FCHO2: variants seen among roughly 807,000 people sequenced by gnomAD.
The protein encoded by FCHO2 is F-BAR domain only protein 2.
Under a neutral mutation model 114.1 loss-of-function variants are expected in FCHO2, and 43 were observed. The ratio of observed to expected loss-of-function variants is 0.38; its 90% CI spans 0.30 to 0.49. The LOEUF (loss-of-function observed/expected upper bound fraction) is 0.49. Ranked by LOEUF, FCHO2 falls within the 20% of genes least tolerant of loss-of-function variation. The probability of loss-of-function intolerance (pLI) is 0.97; values close to 1 mark genes in which losing one functional copy is unlikely to be tolerated. For synonymous variants in FCHO2, 293 were observed against 315.2 expected (o/e 0.93, Z 0.75); for missense variants, 807 against 950.4 (o/e 0.85, Z 1.98).
intron 13 of FCHO2, among the ~76,000 whole-genome samples, chr5:73,053,952 T>C (rs1757461967): frequency 6.6e-6 from 1 of 152,164 alleles, no homozygotes. Flanking sequence ...ATCAGAACAA[T>C]TTTATAGTTA....
chr5:73,035,984 A>G (rs993323253), intron 9 of FCHO2, among the ~76,000 whole-genome samples: 2 of 151,760 alleles, frequency 1.3e-5, no homozygotes, highest in Non-Finnish European at 2.9e-5. Context: ...CCGGGATTAC[A>G]GGTGTGCGCC....
At chr5:73,051,439 T>C in intron 12 of FCHO2, 33 bp downstream of exon 12, 1 of 1,380,114 alleles carries the variant, frequency 7.2e-7, no homozygotes, top group South Asian at 1.3e-5. Context: ...TCTTAAGGAT[T>C]ATGTTGGCAT....
chr5:72,956,041 G>C lies in FCHO2; in HGVS notation c.-56G>C, dbSNP rs986554872. On this transcript the variant is annotated 5_prime_UTR_variant, in exon 1 of 26. Transcript: ENST00000430046. Reference sequence around the variant, plus strand: ...GCGGGGGTGCTGTGGGGGCCGGGCCGTGTTTACACAGCGGCGGGCGGGCGC... The same window carrying C: ...GCGGGGGTGCTGTGGGGGCCGGGCCCTGTTTACACAGCGGCGGGCGGGCGC... 1 of 1,534,312 alleles carries C rather than the reference G, an allele frequency of 6.5e-7. No homozygotes were observed. Among genetic ancestry groups the C allele is most frequent in the Non-Finnish European group, 8.8e-7 (1 of 1,139,502 alleles).
intron 10 of FCHO2, among the ~76,000 whole-genome samples, chr5:73,039,372 G>A (rs1442467968): frequency 6.6e-6 from 1 of 152,174 alleles, no homozygotes; most frequent in East Asian, 1.9e-4. Flanking sequence ...TTGGCCTAAA[G>A]CCAGAGAATA....
intron 6 of FCHO2, among the ~76,000 whole-genome samples, chr5:73,015,104 A>T (rs1755234272): frequency 6.6e-6 from 1 of 151,326 alleles, no homozygotes; most frequent in East Asian, 1.9e-4. Context: ...AAAAGCTCCA[A>T]ATTCTAGAAA....
chr5:73,076,032 A>G (rs941802376), intron 20 of FCHO2, among the ~76,000 whole-genome samples: 1 of 152,194 alleles, frequency 6.6e-6, no homozygotes, highest in African/African-American at 2.4e-5. Flanking sequence ...TCCAGTGTTT[A>G]GAAAACAGGA....
chr5:73,084,439 T>C (rs1171021804), intron 24 of FCHO2, among the ~76,000 whole-genome samples: 1 of 152,108 alleles, frequency 6.6e-6, no homozygotes, highest in Non-Finnish European at 1.5e-5. Context: ...CTAATTTTTG[T>C]ATTTTTAGTA....
chr5:72,966,305 A>G (rs984365126), intron 1 of FCHO2, among the ~76,000 whole-genome samples: 5 of 152,142 alleles, frequency 3.3e-5, no homozygotes, highest in African/African-American at 1.2e-4. Flanking sequence ...ACCGAAGGAG[A>G]AGTTTCAAAC....
chr5:73,064,162 C>A (rs1757963985), intron 18 of FCHO2, among the ~76,000 whole-genome samples: 1 of 152,000 alleles, frequency 6.6e-6, no homozygotes, highest in South Asian at 2.1e-4. Flanking sequence ...AAAGAGATTT[C>A]CTGAGAAAGT....
intron 17 of FCHO2, among the ~76,000 whole-genome samples, chr5:73,060,926 A>G (rs1168693474): frequency 6.6e-6 from 1 of 151,736 alleles, no homozygotes; most frequent in Non-Finnish European, 1.5e-5. Flanking sequence ...TAACATAAAT[A>G]TCTTACGCCT....
chr5:72,969,493 G>A (rs1284399193), intron 2 of FCHO2, among the ~76,000 whole-genome samples: 2 of 152,134 alleles, frequency 1.3e-5, no homozygotes, highest in Non-Finnish European at 1.5e-5. Flanking sequence ...TCCTTCCTCC[G>A]GGCTTCTACA....
chr5:73,064,974 T>G (rs7730663), intron 18 of FCHO2, among the ~76,000 whole-genome samples: 45,164 of 151,712 alleles, frequency 0.3, 6,959 homozygotes, highest in East Asian at 0.44. Flanking sequence ...TGTACTTTTT[T>G]TGTGTGTGTT....
chr5:72,996,241 C>T (rs1580069255), intron 5 of FCHO2, among the ~76,000 whole-genome samples: 1 of 49,234 alleles, frequency 2.0e-5, no homozygotes, highest in East Asian at 8.0e-4. Context: ...GAAACTCTGT[C>T]TCAAAAAAAA....
At chr5:73,027,417 G>A (rs929308773) in intron 8 of FCHO2, among the ~76,000 whole-genome samples, 1 of 149,170 alleles carries the variant, frequency 6.7e-6, no homozygotes. Context: ...TAATTTTGAT[G>A]AAGTGCAGTT....
At chr5:72,995,965 A>T (rs1189654682) in intron 5 of FCHO2, among the ~76,000 whole-genome samples, 2 of 152,140 alleles carry the variant, frequency 1.3e-5, no homozygotes, top group Non-Finnish European at 2.9e-5. Flanking sequence ...CCTGTTGGCA[A>T]GGCATGGTGG....
At chr5:72,999,957 C>G (rs1754340750) in intron 5 of FCHO2, among the ~76,000 whole-genome samples, 2 of 152,158 alleles carry the variant, frequency 1.3e-5, no homozygotes, top group Non-Finnish European at 2.9e-5. Context: ...CTCTTAAGAA[C>G]AAATGCTCCA....
At chr5:72,985,670 G>T (rs970399357) in intron 2 of FCHO2, among the ~76,000 whole-genome samples, 2 of 151,732 alleles carry the variant, frequency 1.3e-5, no homozygotes, top group African/African-American at 2.4e-5. Flanking sequence ...AATTTTTTTT[G>T]AAGATCGTTC....
chr5:73,077,238 G>T (rs1367798130), intron 20 of FCHO2, 100 bp from the exon 21 acceptor site: 10 of 950,462 alleles, frequency 1.1e-5, no homozygotes, highest in Non-Finnish European at 1.4e-5. Flanking sequence ...ATAGGTGCGT[G>T]TGTGTGTGCG....
intron 8 of FCHO2, among the ~76,000 whole-genome samples, chr5:73,019,167 A>G (rs1392462632): frequency 6.6e-6 from 1 of 152,234 alleles, no homozygotes; most frequent in Non-Finnish European, 1.5e-5. Context: ...CCAGGCAGCT[A>G]ATGATACAAT....
Sources: allele counts gnomAD v4.1 joint callset (sites outside exome capture counted in the v4.1 genomes callset), GRCh38; gene constraint gnomAD v4.1.1; transcripts MANE v1.5; gene names NCBI Gene and HGNC (gene_info 2026-07-23, HGNC 2026-07-21).